Variants in MYO3B observed in about 807,000 individuals in gnomAD.
MYO3B encodes myosin-IIIb.
MYO3B carries 156 observed loss-of-function variants against 174.6 expected under a neutral mutation model. That is an observed-to-expected ratio of 0.89 (90% CI 0.78 to 1.02). The LOEUF (loss-of-function observed/expected upper bound fraction) is 1.02, where lower values mean the gene tolerates loss of function less well. MYO3B is among the 50% of genes least tolerant of loss of function. The pLI is 0.00. For synonymous variants in MYO3B, 563 were observed against 569.1 expected (o/e 0.99, Z 0.15); for missense variants, 1,632 against 1,639.4 (o/e 1.00, Z 0.08).
intron 7 of MYO3B, among the ~76,000 whole-genome samples, chr2:170,302,151 A>G (rs553589907): frequency 6.6e-6 from 1 of 152,248 alleles, no homozygotes; most frequent in South Asian, 2.1e-4. Context: ...TGAGGTCTGC[A>G]TGACTTCTGA....
chr2:170,607,008 G>T (rs547282924), intron 32 of MYO3B, among the ~76,000 whole-genome samples: 1 of 152,034 alleles, frequency 6.6e-6, no homozygotes, highest in Non-Finnish European at 1.5e-5. Flanking sequence ...CAAAAAAAGC[G>T]AAACTCCGTC....
chr2:170,537,068 G>A (rs1049691620), intron 30 of MYO3B, among the ~76,000 whole-genome samples: 1 of 151,956 alleles, frequency 6.6e-6, no homozygotes, highest in Admixed American at 6.6e-5. Flanking sequence ...GGGCGTGGTG[G>A]TGGGCGCTTG....
intron 30 of MYO3B, among the ~76,000 whole-genome samples, chr2:170,542,660 A>G (rs1690192824): frequency 6.6e-6 from 1 of 152,206 alleles, no homozygotes. Context: ...CAACTTTAAA[A>G]GGAGCAGTTT....
At chr2:170,310,684 A>G (rs1009826596) in intron 7 of MYO3B, among the ~76,000 whole-genome samples, 6 of 151,474 alleles carry the variant, frequency 4.0e-5, no homozygotes, top group African/African-American at 1.5e-4. Flanking sequence ...AAAAAAAAAA[A>G]AAAGAAATAC....
At chr2:170,193,965 T>G (rs6753319) in intron 1 of MYO3B, among the ~76,000 whole-genome samples, 54,656 of 151,934 alleles carry the variant, frequency 0.36, 9,943 homozygotes, top group African/African-American at 0.39. Flanking sequence ...AACATTTCCC[T>G]TTTGTAAACA....
intron 32 of MYO3B, among the ~76,000 whole-genome samples, chr2:170,601,508 TACAC>T (rs1172808053): frequency 6.6e-6 from 1 of 152,210 alleles, no homozygotes; most frequent in Non-Finnish European, 1.5e-5. Flanking sequence ...AAACAAATCT[TACAC>T]AGCCTTACAT....
At chr2:170,353,796 A>C (rs1253916422) in intron 8 of MYO3B, among the ~76,000 whole-genome samples, 1 of 152,262 alleles carries the variant, frequency 6.6e-6, no homozygotes, top group Non-Finnish European at 1.5e-5. Context: ...AAGGGAATTT[A>C]TTATGAAAAC....
chr2:170,557,437 G>A (rs1691407569), intron 32 of MYO3B, among the ~76,000 whole-genome samples: 1 of 152,056 alleles, frequency 6.6e-6, no homozygotes, highest in South Asian at 2.1e-4. Context: ...TAAAACTCCT[G>A]GAAAAACTAG....
intron 7 of MYO3B, among the ~76,000 whole-genome samples, chr2:170,244,111 A>G (rs1574644847): frequency 6.6e-6 from 1 of 152,222 alleles, no homozygotes; most frequent in East Asian, 1.9e-4. Flanking sequence ...TTCCTTTGCT[A>G]TCAGTTCTAT....
chr2:170,416,913 C>T (rs1050286448), intron 22 of MYO3B, among the ~76,000 whole-genome samples: 3 of 149,718 alleles, frequency 2.0e-5, no homozygotes, highest in African/African-American at 7.4e-5. Flanking sequence ...GCAACCTCTG[C>T]CTCCCGGGTT....
intron 32 of MYO3B, among the ~76,000 whole-genome samples, chr2:170,578,442 G>C (rs955562050): frequency 3.3e-5 from 5 of 152,196 alleles, no homozygotes; most frequent in Non-Finnish European, 7.4e-5. Flanking sequence ...GAAGTACTTT[G>C]TTTTAAACAA....
intron 32 of MYO3B, among the ~76,000 whole-genome samples, chr2:170,576,009 A>C (rs1418748694): frequency 6.6e-6 from 1 of 152,228 alleles, no homozygotes; most frequent in African/African-American, 2.4e-5. Flanking sequence ...ACCCAAGATC[A>C]TGAGGCAATT....
At chr2:170,416,623 CTTT>C (rs80194434) in intron 22 of MYO3B, among the ~76,000 whole-genome samples, 1 of 139,872 alleles carries the variant, frequency 7.1e-6, no homozygotes, top group Non-Finnish European at 1.6e-5. Context: ...ATCCAAACTC[CTTT>C]TTTTTTTTTT....
chr2:170,327,122 C>G (rs1466364111), intron 7 of MYO3B, among the ~76,000 whole-genome samples: 2 of 152,234 alleles, frequency 1.3e-5, no homozygotes, highest in African/African-American at 4.8e-5. Flanking sequence ...TGTGGTGGCT[C>G]ACGCCTGTAA....
At chr2:170,342,929 A>G (rs2093987086) in intron 8 of MYO3B, among the ~76,000 whole-genome samples, 1 of 151,954 alleles carries the variant, frequency 6.6e-6, no homozygotes, top group African/African-American at 2.4e-5. Flanking sequence ...TGAAAGTGGC[A>G]ATGACTTTCT....
At chr2:170,596,707 A>G (rs761567642) in intron 32 of MYO3B, among the ~76,000 whole-genome samples, 2 of 152,020 alleles carry the variant, frequency 1.3e-5, no homozygotes, top group African/African-American at 2.4e-5. Flanking sequence ...CTGCCCCCCC[A>G]GGGCCTAGAG....
rs377412386 is a variant in MYO3B, at chr2:170,179,565, T to A, written c.2+1276T>A. On this transcript the variant is annotated intron_variant, in intron 1 of 34. Transcript: ENST00000408978. ...TCCTAGTAAAAGGATAGGTTCAGTC[T>A]CCTTTTTCTCTCTCTTGAGCTCTCA... is the stretch of plus-strand genomic sequence containing the variant. Among the ~76,000 whole-genome samples the A allele has an allele frequency of 1.4e-4, 21 of 152,296 alleles. 2 individuals carry two copies. In the South Asian group the frequency reaches 4.2e-3, roughly 30 times the overall value.
chr2:170,206,787 G>T lies in MYO3B; in HGVS notation c.321+6503G>T, dbSNP rs1190240782. Among the ~76,000 whole-genome samples, 1 of 152,090 alleles carries T rather than the reference G, an allele frequency of 6.6e-6. No homozygotes were observed. Among genetic ancestry groups the T allele is most frequent in the Non-Finnish European group, 1.5e-5 (1 of 68,022 alleles). ...AAGTAGATGCTTACATAATGCCATGGTAGTGAGGGCAGAGGCTTCGGAACT... is the reference window on the plus strand; with the variant it reads ...AAGTAGATGCTTACATAATGCCATGTTAGTGAGGGCAGAGGCTTCGGAACT... On this transcript the variant is annotated intron_variant, in intron 3 of 34. Coordinates refer to ENST00000408978, the MANE Select transcript of MYO3B (RefSeq NM_138995.5). The surrounding 1 kb of genome is among the most constrained non-coding windows in gnomAD (Gnocchi z 4.3).
chr2:170,208,354 T>C (rs994130372), intron 3 of MYO3B, among the ~76,000 whole-genome samples: 16 of 152,216 alleles, frequency 1.1e-4, no homozygotes, highest in African/African-American at 3.9e-4. Flanking sequence ...CATGCCCAGA[T>C]AACTGGTGGC....
Sources: gnomAD v4.1 joint callset for allele counts (sites outside exome capture counted in the v4.1 genomes callset) on GRCh38, gnomAD v4.1.1 for gene constraint, Gnocchi (gnomAD v3.1) non-coding constraint, MANE v1.5 for transcripts, NCBI Gene and HGNC (gene_info 2026-07-23, HGNC 2026-07-21) for gene names.